CDH4: variants seen among roughly 807,000 people sequenced by gnomAD.
CDH4 encodes cadherin 4, also known as cadherin-4.
In CDH4, 33 loss-of-function variants were observed where a neutral mutation model predicts 86.0. The observed-to-expected ratio is 0.38, with a 90% CI of 0.29 to 0.51. CDH4 has a LOEUF of 0.51. Among genes scored for constraint, CDH4 ranks in the 20% least tolerant of loss-of-function variants. The pLI is 0.86. For synonymous variants in CDH4, 555 were observed against 549.4 expected (o/e 1.01, Z -0.14); for missense variants, 1,114 against 1,307.4 (o/e 0.85, Z 2.28).
chr20:61,359,705 C>A (rs28484945), intron 2 of CDH4, among the ~76,000 whole-genome samples: 1 of 152,188 alleles, frequency 6.6e-6, no homozygotes, highest in Admixed American at 6.5e-5. Flanking sequence ...GGGAGAAAAC[C>A]TAAAGGCTGC....
At chr20:61,383,462 GATATATATGA>G (rs1379871824) in intron 2 of CDH4, among the ~76,000 whole-genome samples, 64 of 6,068 alleles carry the variant, frequency 0.011, 14 homozygotes, top group African/African-American at 0.056. Context: ...TATATATGAA[GATATATATGA>G]ATATATATGA....
intron 2 of CDH4, among the ~76,000 whole-genome samples, chr20:61,483,175 A>G (rs1000322): frequency 0.44 from 67,317 of 152,010 alleles, 15,472 homozygotes; most frequent in Admixed American, 0.52. Flanking sequence ...GAAGTAAGAC[A>G]AGATGAGTGA....
At chr20:61,376,802 C>T (rs2084875237) in intron 2 of CDH4, among the ~76,000 whole-genome samples, 1 of 152,208 alleles carries the variant, frequency 6.6e-6, no homozygotes, top group South Asian at 2.1e-4. Context: ...AGTTCAGAGA[C>T]ACAGGTGAAT....
chr20:61,802,573 T>C (rs1891573), intron 4 of CDH4, among the ~76,000 whole-genome samples: 53,264 of 151,852 alleles, frequency 0.35, 9,907 homozygotes, highest in African/African-American at 0.47. Flanking sequence ...ACTGTCTCCG[T>C]TGGGAGCAAT....
chr20:61,684,192 A>C lies in CDH4; in HGVS notation c.170-59371A>C, dbSNP rs2087549723. On this transcript the variant is annotated intron_variant, in intron 2 of 15. Transcript: ENST00000614565. This position sits in a 1 kb window ranked among gnomAD's most constrained non-coding sequence, Gnocchi z 4.5. ...TAGAAACCCCCAAAGGAATAAATGC[A>C]GCCGTTGCTGCTGGTGAAGGAGGCC... Among the ~76,000 whole-genome samples the C allele has an allele frequency of 6.6e-6, 1 of 152,224 alleles. No individual in the cohort carries two copies. Among genetic ancestry groups the C allele is most frequent in the Non-Finnish European group, 1.5e-5 (1 of 68,042 alleles).
chr20:61,653,328 G>A (rs2087145222), intron 2 of CDH4, among the ~76,000 whole-genome samples: 1 of 136,646 alleles, frequency 7.3e-6, no homozygotes, highest in African/African-American at 2.6e-5. Flanking sequence ...AGTCTCCCAT[G>A]TCTACCTCTT....
chr20:61,293,616 C>T (rs2084335608), intron 2 of CDH4, among the ~76,000 whole-genome samples: 1 of 152,204 alleles, frequency 6.6e-6, no homozygotes, highest in African/African-American at 2.4e-5. Context: ...ATTTTTAAAG[C>T]CTAGAGACCC....
At chr20:61,740,485 C>T (rs879888026) in intron 2 of CDH4, 2 of 152,164 alleles carry the variant, frequency 1.3e-5, no homozygotes, top group Non-Finnish European at 2.9e-5. Flanking sequence ...TTGCTCTTTC[C>T]TTATGAAAGA....
At chr20:61,515,873 G>A (rs967086090) in intron 2 of CDH4, among the ~76,000 whole-genome samples, 9 of 152,000 alleles carry the variant, frequency 5.9e-5, no homozygotes, top group African/African-American at 2.2e-4. Flanking sequence ...TCATTTGCTC[G>A]CTCGCTCTCT....
chr20:61,399,408 A>G (rs1392381893), intron 2 of CDH4, among the ~76,000 whole-genome samples: 1 of 151,134 alleles, frequency 6.6e-6, no homozygotes, highest in Non-Finnish European at 1.5e-5. Flanking sequence ...CTGGGATTAC[A>G]GGCGTGAGCC....
intron 2 of CDH4, among the ~76,000 whole-genome samples, chr20:61,504,969 C>A (rs940505337): frequency 6.6e-6 from 1 of 152,184 alleles, no homozygotes; most frequent in African/African-American, 2.4e-5. Flanking sequence ...CCACTCAAAG[C>A]GCTGCAAATG....
chr20:61,308,940 A>G (rs6028097), intron 2 of CDH4, among the ~76,000 whole-genome samples: 26,396 of 152,224 alleles, frequency 0.17, 2,377 homozygotes, highest in African/African-American at 0.2. Context: ...TCCTGCCTGG[A>G]TCTGATGGGA....
chr20:61,770,085 G>A (rs1317884069), intron 3 of CDH4, among the ~76,000 whole-genome samples: 1 of 152,146 alleles, frequency 6.6e-6, no homozygotes, highest in East Asian at 1.9e-4. Flanking sequence ...CTGGGTTCCG[G>A]GGAGAATGTG....
intron 2 of CDH4, among the ~76,000 whole-genome samples, chr20:61,394,327 CA>C (rs1404017729): frequency 5.9e-5 from 9 of 152,166 alleles, no homozygotes; most frequent in Non-Finnish European, 1.3e-4. Flanking sequence ...CCCTCTCGGG[CA>C]GAACCCACCT....
At chr20:61,670,186 C>T (rs2087370987) in intron 2 of CDH4, among the ~76,000 whole-genome samples, 1 of 152,222 alleles carries the variant, frequency 6.6e-6, no homozygotes, top group African/African-American at 2.4e-5. Flanking sequence ...AATGGCTAGA[C>T]TCAGGTGCTC....
At chr20:61,382,724 T>C (rs2084910882) in intron 2 of CDH4, among the ~76,000 whole-genome samples, 1 of 152,254 alleles carries the variant, frequency 6.6e-6, no homozygotes, top group Admixed American at 6.5e-5. Flanking sequence ...GCCTCTGTCT[T>C]CATGTGGTTC....
chr20:61,646,906 T>C (rs1442150322), intron 2 of CDH4, among the ~76,000 whole-genome samples: 1 of 152,228 alleles, frequency 6.6e-6, no homozygotes, highest in African/African-American at 2.4e-5. Flanking sequence ...AACTTCCACG[T>C]TGGCTCAAAA....
intron 2 of CDH4, among the ~76,000 whole-genome samples, chr20:61,280,758 C>T (rs1394208842): frequency 6.6e-6 from 1 of 152,208 alleles, no homozygotes; most frequent in Non-Finnish European, 1.5e-5. Flanking sequence ...GTGGCTTATG[C>T]AGCATCCCTG....
At chr20:61,274,857 A>C (rs1426320941) in intron 2 of CDH4, among the ~76,000 whole-genome samples, 2 of 98,628 alleles carry the variant, frequency 2.0e-5, no homozygotes, top group African/African-American at 4.1e-5. Flanking sequence ...GGATTACTGC[A>C]TGCGGTTGTT....
Sources: gnomAD v4.1 joint callset for allele counts (sites outside exome capture counted in the v4.1 genomes callset) on GRCh38, gnomAD v4.1.1 for gene constraint, Gnocchi (gnomAD v3.1) non-coding constraint, MANE v1.5 for transcripts, NCBI Gene and HGNC (gene_info 2026-07-23, HGNC 2026-07-21) for gene names.